Variants in PXDNL observed in about 807,000 individuals in gnomAD.
PXDNL encodes probable oxidoreductase PXDNL.
A neutral mutation model predicts 150.8 loss-of-function variants in PXDNL; 145 were observed. The observed-to-expected ratio is 0.96, with a 90% CI of 0.84 to 1.10. The LOEUF (loss-of-function observed/expected upper bound fraction) is 1.10, where lower values mean the gene tolerates loss of function less well. PXDNL is among the 50% of genes least tolerant of loss of function. PXDNL has a pLI of 0.00. For missense variants in PXDNL, 2,087 were observed against 1,873.9 expected (o/e 1.11, Z -2.10); for synonymous variants, 757 against 725.7 (o/e 1.04, Z -0.69).
intron 12 of PXDNL, among the ~76,000 whole-genome samples, chr8:51,428,964 A>ACTATAGAACCAAAATTCAACAG (rs57300953): frequency 6.6e-6 from 1 of 151,162 alleles, no homozygotes; most frequent in Admixed American, 6.6e-5. Flanking sequence ...AGTGTCTAAA[A>ACTATAGAACCAAAATTCAACAG]TATATAAAGA....
chr8:51,449,090 C>T lies in PXDNL; in HGVS notation c.1278G>A (p.Lys426=). 4 of 1,551,216 alleles carry T rather than the reference C, an allele frequency of 2.6e-6. No individual in the cohort carries two copies. In the South Asian group the frequency reaches 4.8e-5, roughly 18 times the overall value. ...QAPPQFTVTP[K]DQVVLEEHAV... ...CATGTTCTTCCAGCACCACTTGATC[C>T]TTGGGGGTTACTGTAAATTGTGGAG... The change falls in exon 11 of 23, where the codon AAG becomes AAA. Residue 426 remains lysine, a synonymous_variant. Transcript: ENST00000356297.
intron 11 of PXDNL, among the ~76,000 whole-genome samples, 172 bp downstream of exon 11, chr8:51,448,830 C>T (rs1156546586): frequency 2.0e-5 from 3 of 152,144 alleles, no homozygotes; most frequent in Admixed American, 6.5e-5. Context: ...TGCCAAAACT[C>T]AAAACACCAC....
chr8:51,586,444 G>A (rs1813324642), intron 3 of PXDNL, among the ~76,000 whole-genome samples: 1 of 152,156 alleles, frequency 6.6e-6, no homozygotes, highest in African/African-American at 2.4e-5. Flanking sequence ...AAATTCTGCA[G>A]TGGTTTGTTT....
intron 19 of PXDNL, among the ~76,000 whole-genome samples, chr8:51,367,282 C>G (rs954066273): frequency 6.6e-6 from 1 of 151,968 alleles, no homozygotes; most frequent in African/African-American, 2.4e-5. Context: ...AGACTATGAA[C>G]ACACAATGCA....
chr8:51,426,930 G>A (rs891534819), intron 12 of PXDNL, among the ~76,000 whole-genome samples, 172 bp from the exon 13 acceptor site: 4 of 152,076 alleles, frequency 2.6e-5, no homozygotes, highest in South Asian at 2.1e-4. Flanking sequence ...CCAGGCTGGC[G>A]GCAAGTACAG....
At chr8:51,791,079 A>G (rs1247040286) in intron 1 of PXDNL, among the ~76,000 whole-genome samples, 1 of 152,118 alleles carries the variant, frequency 6.6e-6, no homozygotes, top group Non-Finnish European at 1.5e-5. Flanking sequence ...GACTGACACC[A>G]AAGGATTGAA....
intron 19 of PXDNL, among the ~76,000 whole-genome samples, chr8:51,348,880 A>G (rs1052212677): frequency 7.2e-5 from 11 of 152,192 alleles, no homozygotes; most frequent in Non-Finnish European, 1.2e-4. Flanking sequence ...AAGCCATAAC[A>G]CTACAGCACA....
At chr8:51,565,345 A>ATAGATAGATAG (rs1563466651) in intron 3 of PXDNL, among the ~76,000 whole-genome samples, 5 of 114,804 alleles carry the variant, frequency 4.4e-5, no homozygotes, top group African/African-American at 1.3e-4. Context: ...TAGATAGATA[A>ATAGATAGATAG]ATAAATAAAT....
chr8:51,646,190 G>C (rs1224143520), intron 2 of PXDNL, among the ~76,000 whole-genome samples: 2 of 152,166 alleles, frequency 1.3e-5, no homozygotes, highest in Admixed American at 1.3e-4. Flanking sequence ...TGACACTGGT[G>C]TCCTTATAAG....
chr8:51,475,103 A>G lies in PXDNL; in HGVS notation c.563T>C (p.Leu188Pro), dbSNP rs1341147907. The G allele has an allele frequency of 6.2e-7, 1 of 1,613,946 alleles. No homozygotes were observed. Among genetic ancestry groups the G allele is most frequent in the Non-Finnish European group, 8.5e-7 (1 of 1,179,838 alleles). ...TTGTAAAAGCTCCCCCAGCCACATC[A>G]GATCACAGTCACAAACCAGGGCGTT... is the stretch of plus-strand genomic sequence containing the variant. ...DSNALVCDCD[L>P]MWLGELLQGF... is the part of the protein sequence containing the mutation. The change falls in exon 7 of 23, where the codon CTG (leucine) becomes CCG (proline). Residue 188 changes from leucine to proline, a missense_variant. Transcript: ENST00000356297.
chr8:51,803,258 A>C lies in PXDNL; in HGVS notation c.164+5923T>G, dbSNP rs1171106801. 2.6e-5 allele frequency among the ~76,000 whole-genome samples: 4 copies of C among 152,262 alleles called. No homozygotes were observed. In the East Asian group the frequency reaches 5.8e-4, roughly 22 times the overall value. ...ACAGGAAGCTCTCAGTTACTTGCTT[A>C]TATCAATATCTCAGCGAGTATCTCT... is the stretch of plus-strand genomic sequence containing the variant. On this transcript the variant is annotated intron_variant, in intron 1 of 22. Transcript: ENST00000356297.
chr8:51,456,965 G>C (rs1809950525), intron 9 of PXDNL, among the ~76,000 whole-genome samples: 2 of 152,178 alleles, frequency 1.3e-5, no homozygotes, highest in African/African-American at 4.8e-5. Flanking sequence ...AGTAAGGTGA[G>C]AGACAATGTA....
intron 1 of PXDNL, among the ~76,000 whole-genome samples, chr8:51,741,936 A>G (rs1386429364): frequency 3.9e-5 from 6 of 152,222 alleles, no homozygotes; most frequent in Non-Finnish European, 8.8e-5. Flanking sequence ...ATACCTTTAC[A>G]TAAAAGATCA....
At chr8:51,770,047 C>T (rs953321858) in intron 1 of PXDNL, among the ~76,000 whole-genome samples, 2 of 152,156 alleles carry the variant, frequency 1.3e-5, no homozygotes, top group African/African-American at 2.4e-5. Flanking sequence ...TGACTACATT[C>T]GCACAGATCA....
chr8:51,357,651 C>T (rs564192453), intron 19 of PXDNL, among the ~76,000 whole-genome samples: 46 of 152,172 alleles, frequency 3.0e-4, no homozygotes, highest in African/African-American at 9.4e-4. Flanking sequence ...GAAATTAACC[C>T]ACAAGGTAAA....
Position 51,452,867 on chromosome 8 carries a change from T to C in PXDNL, c.1249+652A>G, listed in dbSNP as rs532771644. Among the ~76,000 whole-genome samples the C allele has an allele frequency of 5.8e-4, 88 of 151,806 alleles. No individual in the cohort carries two copies. The Middle Eastern group carries it at 0.01, about 18-fold the overall frequency. On this transcript the variant is annotated intron_variant, in intron 10 of 22. Coordinates refer to ENST00000356297, the MANE Select transcript of PXDNL (RefSeq NM_144651.5). ...ATAGCACTTATATTCTGCTGTTTAC[T>C]AAACTCTAACCCTACAGGAAGATGG...
intron 16 of PXDNL, 75 bp downstream of exon 16, chr8:51,411,175 C>T: frequency 8.4e-7 from 1 of 1,191,894 alleles, no homozygotes; most frequent in Admixed American, 4.1e-5. Flanking sequence ...ATTAAAAGTT[C>T]AGTGTCCTTT....
intron 1 of PXDNL, among the ~76,000 whole-genome samples, chr8:51,744,149 GA>G (rs1446120015): frequency 1.8e-4 from 22 of 121,550 alleles, no homozygotes; most frequent in African/African-American, 6.2e-4. Context: ...AGGAAGAAGG[GA>G]GGGAGGAAGG....
intron 15 of PXDNL, 59 bp from the exon 16 acceptor site, chr8:51,411,466 T>C: frequency 1.4e-6 from 2 of 1,428,506 alleles, no homozygotes; most frequent in Admixed American, 3.3e-5. Flanking sequence ...CCATGAAGCT[T>C]GCAAATACTG....
Sources: gnomAD v4.1 joint callset for allele counts (sites outside exome capture counted in the v4.1 genomes callset) on GRCh38, gnomAD v4.1.1 for gene constraint, MANE v1.5 for transcripts, NCBI Gene and HGNC (gene_info 2026-07-23, HGNC 2026-07-21) for gene names.